CACNB2: variants seen among roughly 807,000 people sequenced by gnomAD.
CACNB2 encodes the protein voltage-dependent L-type calcium channel subunit beta-2.
In CACNB2, 42 loss-of-function variants were observed where a neutral mutation model predicts 73.3. That is an observed-to-expected ratio of 0.57 (90% CI 0.45 to 0.74). The LOEUF (loss-of-function observed/expected upper bound fraction) is 0.74. CACNB2 is among the 30% of genes least tolerant of loss of function. CACNB2 has a pLI of 0.00. For missense variants in CACNB2, 940 were observed against 853.0 expected, an observed-to-expected ratio of 1.10 and a Z score of -1.27; for synonymous variants, 348 against 310.3, an observed-to-expected ratio of 1.12 and a Z score of -1.28.
At chr10:18,357,171 C>T (rs1162228688) in intron 2 of CACNB2, among the ~76,000 whole-genome samples, 1 of 149,580 alleles carries the variant, frequency 6.7e-6, no homozygotes, top group Non-Finnish European at 1.5e-5. Context: ...TCTCGATCTC[C>T]TGACCTCGTG....
At chr10:18,351,137 C>T (rs2041688080) in intron 2 of CACNB2, among the ~76,000 whole-genome samples, 1 of 137,218 alleles carries the variant, frequency 7.3e-6, no homozygotes, top group Admixed American at 8.0e-5. Context: ...ATCACATGTA[C>T]ACCCTTTCTT....
Position 18,402,454 on chromosome 10 carries a change from T to A in CACNB2, c.333+411T>A, listed in dbSNP as rs1193003708. 4.6e-5 allele frequency among the ~76,000 whole-genome samples: 7 copies of A among 152,206 alleles called. 1 individual carries two copies. Among genetic ancestry groups the A allele is most frequent in the Admixed American group, 3.3e-4 (5 of 15,282 alleles). ...TATTTTCTTAGACTTGAACAGTTTT[T>A]CCCCTGAATTTTACTTCATAGGTGT... is the stretch of plus-strand genomic sequence containing the variant. On this transcript the variant is annotated intron_variant, in intron 3 of 13. Coordinates refer to ENST00000324631, the MANE Select transcript of CACNB2 (RefSeq NM_201596.3).
chr10:18,522,862 A>G (rs2052047614), intron 9 of CACNB2, among the ~76,000 whole-genome samples: 1 of 120,054 alleles, frequency 8.3e-6, no homozygotes, highest in Non-Finnish European at 1.6e-5. Context: ...TGGGAAACAG[A>G]GTGAGACTCT....
intron 10 of CACNB2, among the ~76,000 whole-genome samples, chr10:18,529,526 C>T (rs2052790342): frequency 6.6e-6 from 1 of 152,128 alleles, no homozygotes; most frequent in Non-Finnish European, 1.5e-5. Context: ...GGGAGCTGAT[C>T]CTGAGCTGAG....
intron 3 of CACNB2, among the ~76,000 whole-genome samples, chr10:18,442,967 T>C (rs1440380931): frequency 4.4e-5 from 1 of 22,670 alleles, no homozygotes; most frequent in African/African-American, 6.5e-4. Context: ...TGTATATATA[T>C]ATGTGTATAT....
chr10:18,398,970 T>C (rs912770314), intron 2 of CACNB2, among the ~76,000 whole-genome samples: 3 of 152,218 alleles, frequency 2.0e-5, no homozygotes, highest in African/African-American at 7.2e-5. Context: ...TTTTATATCT[T>C]ATTTTAAAAT....
intron 2 of CACNB2, among the ~76,000 whole-genome samples, chr10:18,317,249 T>G (rs2131928643): frequency 6.6e-6 from 1 of 152,238 alleles, no homozygotes; most frequent in African/African-American, 2.4e-5. Context: ...TTTTTAAATC[T>G]TTTTTAAAAG....
chr10:18,253,443 T>G (rs771681118), intron 2 of CACNB2, among the ~76,000 whole-genome samples: 3 of 152,208 alleles, frequency 2.0e-5, no homozygotes, highest in African/African-American at 7.2e-5. Context: ...TGTTTCTCTT[T>G]CGTGGTCTTT....
chr10:18,436,463 A>T (rs1291979045), intron 3 of CACNB2, among the ~76,000 whole-genome samples: 1 of 152,254 alleles, frequency 6.6e-6, no homozygotes, highest in African/African-American at 2.4e-5. Flanking sequence ...AATCATTGCC[A>T]CATTTCTCTT....
At position 18,494,505 on chromosome 10, in the gene CACNB2, A is replaced by G. The variant is rs1003822905; in HGVS notation, c.334-3850A>G. Among the ~76,000 whole-genome samples, 3 of 151,826 alleles carry G rather than the reference A, an allele frequency of 2.0e-5. No homozygotes were observed. In the East Asian group the frequency reaches 5.8e-4, roughly 30 times the overall value. ...AAATTAGCCGGGCATGGTGGCGGGC[A>G]CCTGTAGTCCCAGCTACTCGGGAGG... On this transcript the variant is annotated intron_variant, in intron 3 of 13. Coordinates refer to ENST00000324631, the MANE Select transcript of CACNB2 (RefSeq NM_201596.3).
intron 2 of CACNB2, among the ~76,000 whole-genome samples, chr10:18,378,067 A>C (rs941424292): frequency 6.6e-6 from 1 of 152,104 alleles, no homozygotes; most frequent in African/African-American, 2.4e-5. Context: ...ATCATTAGGG[A>C]AATGATCTAA....
intron 2 of CACNB2, among the ~76,000 whole-genome samples, chr10:18,237,760 T>C (rs1375195813): frequency 2.0e-5 from 3 of 152,192 alleles, no homozygotes; most frequent in African/African-American, 7.2e-5. Context: ...AAAGCAGCTT[T>C]GATTCAGTGT....
chr10:18,509,536 C>G (rs1056671877), intron 6 of CACNB2, among the ~76,000 whole-genome samples: 1 of 152,096 alleles, frequency 6.6e-6, no homozygotes, highest in African/African-American at 2.4e-5. Flanking sequence ...GCCATGGTCA[C>G]GCCTGTAATC....
intron 2 of CACNB2, among the ~76,000 whole-genome samples, chr10:18,159,113 A>G (rs1025878680): frequency 5.3e-5 from 8 of 151,678 alleles, no homozygotes; most frequent in Non-Finnish European, 4.4e-5. Context: ...CCTTGGCTAC[A>G]TTTATGTACC....
intron 2 of CACNB2, among the ~76,000 whole-genome samples, chr10:18,368,425 A>C (rs1039101429): frequency 3.9e-5 from 6 of 152,222 alleles, no homozygotes; most frequent in African/African-American, 1.4e-4. Context: ...AACTTCTACG[A>C]AACAAGTAAT....
At chr10:18,393,819 TAC>T (rs1274662585) in intron 2 of CACNB2, among the ~76,000 whole-genome samples, 3 of 152,246 alleles carry the variant, frequency 2.0e-5, no homozygotes, top group Non-Finnish European at 4.4e-5. Flanking sequence ...GATGCTGAGA[TAC>T]TCTGAAGTGA....
chr10:18,507,976 T>C (rs2050581038), intron 6 of CACNB2, among the ~76,000 whole-genome samples: 1 of 152,122 alleles, frequency 6.6e-6, no homozygotes, highest in South Asian at 2.1e-4. Context: ...GGTTTCACTA[T>C]GTTGCCCAGG....
intron 2 of CACNB2, among the ~76,000 whole-genome samples, chr10:18,246,323 A>C (rs1358878998): frequency 6.6e-6 from 1 of 152,204 alleles, no homozygotes; most frequent in Non-Finnish European, 1.5e-5. Context: ...ATGTTTAACT[A>C]GTATTATATT....
intron 2 of CACNB2, among the ~76,000 whole-genome samples, chr10:18,167,147 G>A (rs2032912666): frequency 6.6e-6 from 1 of 152,184 alleles, no homozygotes; most frequent in Non-Finnish European, 1.5e-5. Flanking sequence ...CTTTCACAGC[G>A]ACATGAGTGG....
Sources: gnomAD v4.1 joint callset for allele counts (sites outside exome capture counted in the v4.1 genomes callset) on GRCh38, gnomAD v4.1.1 for gene constraint, MANE v1.5 for transcripts, NCBI Gene and HGNC (gene_info 2026-07-23, HGNC 2026-07-21) for gene names.